Variants in SPAG9 observed in about 807,000 individuals in gnomAD.
SPAG9 encodes the protein C-Jun-amino-terminal kinase-interacting protein 4.
A neutral mutation model predicts 166.5 loss-of-function variants in SPAG9; 35 were observed. The ratio of observed to expected loss-of-function variants is 0.21; its 90% CI spans 0.16 to 0.28. SPAG9 has a LOEUF of 0.28. Ranked by LOEUF, SPAG9 falls within the 10% of genes least tolerant of loss-of-function variation. SPAG9 has a pLI of 1.00. For missense variants in SPAG9, 1,235 were observed against 1,603.3 expected (o/e 0.77, Z 3.92); for synonymous variants, 534 against 565.5 (o/e 0.94, Z 0.79).
chr17:51,032,348 G>A (rs1031922971), intron 5 of SPAG9, among the ~76,000 whole-genome samples: 1 of 152,004 alleles, frequency 6.6e-6, no homozygotes, highest in Non-Finnish European at 1.5e-5. Flanking sequence ...ATTTTTAGTA[G>A]AGATTTGGTA....
chr17:51,037,685 A>ATATATATATATAGTGTGTGTGT, intron 5 of SPAG9, among the ~76,000 whole-genome samples: 11 of 83,508 alleles, frequency 1.3e-4, no homozygotes, highest in African/African-American at 4.3e-4. Context: ...ATATATATAT[A>ATATATATATATAGTGTGTGTGT]GTGTGTGTGT....
intron 13 of SPAG9, 84 bp downstream of exon 13, chr17:51,001,631 G>C: frequency 7.5e-7 from 1 of 1,342,152 alleles, no homozygotes; most frequent in South Asian, 1.4e-5. Context: ...GGATCTTACA[G>C]GGCAGGACTT....
chr17:51,120,736 C>A lies in SPAG9; in HGVS notation c.-80G>T. ...CTGCCCGCACGGGACGGACCCGACTCGGGCTGGGACGGGTACTAGGGCTGG... is the reference window on the plus strand; with the variant it reads ...CTGCCCGCACGGGACGGACCCGACTAGGGCTGGGACGGGTACTAGGGCTGG... On this transcript the variant is annotated 5_prime_UTR_variant, in exon 1 of 30. Coordinates refer to ENST00000262013, the MANE Select transcript of SPAG9 (RefSeq NM_001130528.3). This position sits in a 1 kb window ranked among gnomAD's most constrained non-coding sequence, Gnocchi z 4.7. The A allele has an allele frequency of 7.9e-7, 1 of 1,265,024 alleles. No individual in the cohort carries two copies. The allele number at this position is 1,265,024 out of a possible 1,614,324, so 78.4% of individuals were successfully genotyped here.
At chr17:50,998,078 A>G (rs1186433840) in intron 15 of SPAG9, among the ~76,000 whole-genome samples, 7 of 126,524 alleles carry the variant, frequency 5.5e-5, no homozygotes, top group African/African-American at 2.1e-4. Context: ...TCTGTCACCC[A>G]GGCTAGAGCA....
At chr17:51,077,061 T>TAG (rs2048023852) in intron 2 of SPAG9, among the ~76,000 whole-genome samples, 1 of 109,656 alleles carries the variant, frequency 9.1e-6, no homozygotes. Flanking sequence ...TAGCTAGCTA[T>TAG]CTAGCTAGCT....
At chr17:50,973,111 G>C (rs8073830) in intron 28 of SPAG9, among the ~76,000 whole-genome samples, 6,623 of 152,248 alleles carry the variant, frequency 0.044, 491 homozygotes, top group African/African-American at 0.15. Context: ...TTTTATGTAT[G>C]AACATTGATA....
intron 6 of SPAG9, among the ~76,000 whole-genome samples, chr17:51,022,189 A>G (rs12936215): frequency 0.24 from 36,290 of 150,902 alleles, 5,176 homozygotes; most frequent in Admixed American, 0.34. Flanking sequence ...CTGTAATCCC[A>G]GCTGAGGCGG....
At chr17:51,020,338 T>G in intron 7 of SPAG9, 80 bp from the exon 8 acceptor site, 1 of 872,250 alleles carries the variant, frequency 1.1e-6, no homozygotes. Flanking sequence ...TTTTTATGGG[T>G]GTAAAGGTAT....
At chr17:51,015,558 A>C (rs761617445) in intron 8 of SPAG9, among the ~76,000 whole-genome samples, 1 of 152,158 alleles carries the variant, frequency 6.6e-6, no homozygotes, top group Non-Finnish European at 1.5e-5. Context: ...GCCCAAAACA[A>C]AGAGGATGTG....
At chr17:51,118,767 C>T (rs537003616) in intron 1 of SPAG9, among the ~76,000 whole-genome samples, 1 of 152,188 alleles carries the variant, frequency 6.6e-6, no homozygotes, top group Admixed American at 6.5e-5. Flanking sequence ...TGGCGGGGTG[C>T]GGTGGCTCAT....
At chr17:50,977,252 G>T in intron 26 of SPAG9, 31 bp from the exon 27 acceptor site, 1 of 1,330,014 alleles carries the variant, frequency 7.5e-7, no homozygotes, top group South Asian at 1.2e-5. Context: ...ACGTTATTGA[G>T]AAACTAAAGC....
At chr17:51,099,099 C>CA (rs35291018) in intron 1 of SPAG9, among the ~76,000 whole-genome samples, 4,425 of 45,354 alleles carry the variant, frequency 0.098, 340 homozygotes, top group African/African-American at 0.24. Flanking sequence ...GACTCCGTCT[C>CA]AAAAAAAAAA....
At chr17:51,058,057 C>T (rs1327131271) in intron 2 of SPAG9, among the ~76,000 whole-genome samples, 3 of 152,182 alleles carry the variant, frequency 2.0e-5, no homozygotes, top group African/African-American at 7.2e-5. Flanking sequence ...CAAACCATAT[C>T]TATTTTCAAT....
At position 50,966,091 on chromosome 17, in the gene SPAG9, C is replaced by CAGCT. The variant is rs1422990527; in HGVS notation, c.*177_*180dup. 6.8e-6 allele frequency: 4 copies of CAGCT among 584,042 alleles called. No individual in the cohort carries two copies. Among genetic ancestry groups the CAGCT allele is most frequent in the Non-Finnish European group, 1.2e-5 (4 of 323,630 alleles). The allele number at this position is 584,042 out of a possible 1,614,324, so 36.2% of individuals were successfully genotyped here. On this transcript the variant is annotated 3_prime_UTR_variant, in exon 30 of 30. Transcript: ENST00000262013. ...TACCTATAACACTGGTGCAGTAACA[C>CAGCT]AGCTAGTTCCTCTGTATTGTTATGG...
At chr17:51,081,629 C>G (rs1434910169) in intron 1 of SPAG9, among the ~76,000 whole-genome samples, 1 of 150,044 alleles carries the variant, frequency 6.7e-6, no homozygotes, top group Non-Finnish European at 1.5e-5. Flanking sequence ...GTAATCCCAG[C>G]TATTTGGGAG....
At chr17:51,060,476 C>G (rs1362841478) in intron 2 of SPAG9, among the ~76,000 whole-genome samples, 2 of 148,020 alleles carry the variant, frequency 1.4e-5, no homozygotes, top group African/African-American at 5.0e-5. Context: ...GCACTCCAGC[C>G]TCGGTGACAG....
rs773287286 is a variant in SPAG9, at chr17:51,082,377, C to CAAAAA, written c.304-2678_304-2674dup. On this transcript the variant is annotated intron_variant, in intron 1 of 29. Coordinates refer to ENST00000262013, the MANE Select transcript of SPAG9 (RefSeq NM_001130528.3). ...CCTGGGCAACAGAGCAAGACTGTCT[C>CAAAAA]AAAAAAAAAAAAAAAAAAAAAAAAA... Among the ~76,000 whole-genome samples, 7 of 48,940 alleles carry CAAAAA rather than the reference C, an allele frequency of 1.4e-4. 1 individual carries two copies. The highest frequency in any genetic ancestry group is 3.7e-4 in the African/African-American group (5 of 13,446). The allele number at this position is 48,940 out of a possible 152,430, so 32.1% of individuals were successfully genotyped here.
At position 50,975,509 on chromosome 17, in the gene SPAG9, A is replaced by G. The variant is rs77869276; in HGVS notation, c.3524-562T>C. On this transcript the variant is annotated intron_variant, in intron 27 of 29. Coordinates refer to ENST00000262013, the MANE Select transcript of SPAG9 (RefSeq NM_001130528.3). The stretch of plus-strand genomic sequence containing the variant: ...TACTGTAAAAGACCAGACTCACAAA[A>G]CATCCCCATTCCATGGGCAAGTAAG... 2,442 of 267,444 alleles carry G rather than the reference A, an allele frequency of 9.1e-3. 23 individuals carry two copies. The highest frequency in any genetic ancestry group is 0.014 in the Non-Finnish European group (1,911 of 138,514). 16.6% of individuals were successfully genotyped at this position (267,444 alleles called of 1,614,324 possible). A position where few individuals can be genotyped will look rare whatever the true frequency, so the allele number is the denominator to read the frequency against.
chr17:51,006,230 A>G lies in SPAG9; in HGVS notation c.1279T>C (p.Leu427=). 6.2e-7 allele frequency: 1 copy of G among 1,613,550 alleles called. No homozygotes were observed. Among genetic ancestry groups the G allele is most frequent in the Non-Finnish European group, 8.5e-7 (1 of 1,179,782 alleles). The change falls in exon 11 of 30, where the codon TTG becomes CTG. Residue 427 remains leucine, a synonymous_variant. Transcript: ENST00000262013. Reference sequence around the variant, plus strand: ...ATCAAATCATTCTTCACTATGTTCAAAGCATTTCTAAGAAACACATATTTC... The same window carrying G: ...ATCAAATCATTCTTCACTATGTTCAGAGCATTTCTAAGAAACACATATTTC... The part of the protein sequence containing the change: ...NTQLLETKNA[L]NIVKNDLIAK...
Sources: allele counts gnomAD v4.1 joint callset (sites outside exome capture counted in the v4.1 genomes callset), GRCh38; gene constraint gnomAD v4.1.1; non-coding constraint Gnocchi (gnomAD v3.1); transcripts MANE v1.5; gene names NCBI Gene and HGNC (gene_info 2026-07-23, HGNC 2026-07-21).